Variants in FNDC3A observed in about 807,000 individuals in gnomAD.
FNDC3A encodes fibronectin type-III domain-containing protein 3A.
A neutral mutation model predicts 148.9 loss-of-function variants in FNDC3A; 32 were observed. That is an observed-to-expected ratio of 0.21 (90% confidence interval 0.16 to 0.29). The LOEUF is 0.29. Ranked by LOEUF, FNDC3A falls within the 10% of genes least tolerant of loss-of-function variation. The pLI is 1.00. For synonymous variants in FNDC3A, 472 were observed against 473.6 expected (o/e 1.00, Z 0.04); for missense variants, 1,191 against 1,452.8 (o/e 0.82, Z 2.93).
chr13:48,980,060 T>C (rs1469176883), intron 1 of FNDC3A, among the ~76,000 whole-genome samples: 1 of 152,120 alleles, frequency 6.6e-6, no homozygotes, highest in Non-Finnish European at 1.5e-5. Flanking sequence ...TTTTTCCTTA[T>C]GTTATCCTAA....
intron 7 of FNDC3A, among the ~76,000 whole-genome samples, chr13:49,139,332 A>C (rs1404302465): frequency 1.3e-5 from 2 of 152,218 alleles, no homozygotes; most frequent in African/African-American, 4.8e-5. Flanking sequence ...AGTAGGCCAT[A>C]GGACTTTTTC....
At chr13:49,126,933 T>G (rs1013780805) in intron 4 of FNDC3A, among the ~76,000 whole-genome samples, 3 of 152,142 alleles carry the variant, frequency 2.0e-5, no homozygotes, top group African/African-American at 7.2e-5. Context: ...GAGAGAGAGA[T>G]CACTGAGATT....
At position 49,063,974 on chromosome 13, in the gene FNDC3A, A is replaced by G. The variant is rs564063075; in HGVS notation, c.100-11315A>G. Among the ~76,000 whole-genome samples, 9 of 152,340 alleles carry G rather than the reference A, an allele frequency of 5.9e-5. No individual in the cohort carries two copies. In the South Asian group the frequency reaches 1.4e-3, roughly 25 times the overall value. On this transcript the variant is annotated intron_variant, in intron 2 of 25. Transcript: ENST00000492622. Reference sequence around the variant, plus strand: ...ATGGCAAAGGGCTCATTTCCTTGGCATACAAACGACTATTACAAATCAGTG... The same window carrying G: ...ATGGCAAAGGGCTCATTTCCTTGGCGTACAAACGACTATTACAAATCAGTG...
intron 2 of FNDC3A, among the ~76,000 whole-genome samples, chr13:49,035,563 C>G (rs977351911): frequency 6.6e-6 from 1 of 151,820 alleles, no homozygotes; most frequent in Non-Finnish European, 1.5e-5. Context: ...TCTTTTCTGT[C>G]AAAATGACTT....
At chr13:49,045,185 ACT>A (rs144351004) in intron 2 of FNDC3A, among the ~76,000 whole-genome samples, 3,093 of 137,944 alleles carry the variant, frequency 0.022, 146 homozygotes, top group East Asian at 0.19. Context: ...ATGGAATCTC[ACT>A]CTGTCACTCA....
rs557544814 is a variant in FNDC3A, at chr13:49,188,186, G to T, written c.1826-329G>T. ...TAGGACTAGACTTCCTCTGATACTG[G>T]TTTTTTGTACTCTTTGTATGCTATA... On this transcript the variant is annotated intron_variant, in intron 16 of 25. Transcript: ENST00000492622. 5.9e-5 allele frequency among the ~76,000 whole-genome samples: 9 copies of T among 152,226 alleles called. No homozygotes were observed. The South Asian group carries it at 1.7e-3, about 28-fold the overall frequency.
At chr13:49,090,247 C>G (rs1259095002) in intron 3 of FNDC3A, among the ~76,000 whole-genome samples, 1 of 152,092 alleles carries the variant, frequency 6.6e-6, no homozygotes, top group Non-Finnish European at 1.5e-5. Context: ...ATGGTGAAAC[C>G]CTGTCTCTAC....
At chr13:49,073,061 G>C (rs1345311220) in intron 2 of FNDC3A, among the ~76,000 whole-genome samples, 1 of 152,144 alleles carries the variant, frequency 6.6e-6, no homozygotes, top group African/African-American at 2.4e-5. Flanking sequence ...CATTTCAAGT[G>C]CTTGATAGCC....
chr13:49,114,421 C>CA (rs1880793746), intron 3 of FNDC3A, among the ~76,000 whole-genome samples: 1 of 150,600 alleles, frequency 6.6e-6, no homozygotes, highest in South Asian at 2.1e-4. Context: ...CCCCGCCCCC[C>CA]ACCACCCCTA....
chr13:49,130,549 C>T (rs539976597), intron 4 of FNDC3A, among the ~76,000 whole-genome samples: 2 of 152,082 alleles, frequency 1.3e-5, no homozygotes, highest in African/African-American at 4.8e-5. Context: ...AGGAAATGCA[C>T]ATAACACATA....
chr13:49,016,771 G>C (rs1383587952), intron 2 of FNDC3A, among the ~76,000 whole-genome samples: 1 of 151,916 alleles, frequency 6.6e-6, no homozygotes, highest in Non-Finnish European at 1.5e-5. Context: ...ACACTGCTTT[G>C]AATGCGTCCC....
At chr13:48,994,787 AAAG>A (rs1236990557) in intron 1 of FNDC3A, among the ~76,000 whole-genome samples, 1 of 152,138 alleles carries the variant, frequency 6.6e-6, no homozygotes, top group Non-Finnish European at 1.5e-5. Flanking sequence ...AAAAAAAAAA[AAAG>A]AAATATTTGC....
intron 14 of FNDC3A, among the ~76,000 whole-genome samples, chr13:49,185,678 A>C (rs1270331747): frequency 6.6e-6 from 1 of 152,220 alleles, no homozygotes; most frequent in Admixed American, 6.5e-5. Context: ...ATGAAGAATC[A>C]CCAGATTATA....
chr13:49,190,340 G>A (rs1317662345), intron 17 of FNDC3A, among the ~76,000 whole-genome samples: 1 of 152,192 alleles, frequency 6.6e-6, no homozygotes, highest in African/African-American at 2.4e-5. Flanking sequence ...TAGGTGGAAA[G>A]GATGAAGGAA....
At chr13:49,172,493 G>C (rs1884807356) in intron 11 of FNDC3A, among the ~76,000 whole-genome samples, 1 of 152,140 alleles carries the variant, frequency 6.6e-6, no homozygotes, top group African/African-American at 2.4e-5. Context: ...CAAGGTGTCA[G>C]CATGGCCAGG....
At chr13:49,013,584 A>G (rs775305133) in intron 2 of FNDC3A, among the ~76,000 whole-genome samples, 8 of 151,480 alleles carry the variant, frequency 5.3e-5, no homozygotes, top group African/African-American at 1.7e-4. Flanking sequence ...GTACATGTGT[A>G]TGCAAGTATA....
chr13:49,033,980 A>G (rs920574716), intron 2 of FNDC3A, among the ~76,000 whole-genome samples: 1 of 152,036 alleles, frequency 6.6e-6, no homozygotes, highest in Non-Finnish European at 1.5e-5. Flanking sequence ...TAAAACTGTT[A>G]GGAAACTATT....
chr13:49,043,876 A>G (rs1345903197), intron 2 of FNDC3A, among the ~76,000 whole-genome samples: 1 of 152,214 alleles, frequency 6.6e-6, no homozygotes, highest in Non-Finnish European at 1.5e-5. Context: ...CTGTAGAAAA[A>G]ATGAAGAGAT....
intron 8 of FNDC3A, among the ~76,000 whole-genome samples, chr13:49,155,434 C>A (rs1422370525): frequency 1.3e-5 from 2 of 149,102 alleles, no homozygotes; most frequent in Admixed American, 1.3e-4. Flanking sequence ...GTCTTGCTAG[C>A]GGTCTATCTA....
Sources: allele counts gnomAD v4.1 joint callset (sites outside exome capture counted in the v4.1 genomes callset), GRCh38; gene constraint gnomAD v4.1.1; transcripts MANE v1.5; gene names NCBI Gene and HGNC (gene_info 2026-07-23, HGNC 2026-07-21).